MGAT4C: variants seen among roughly 807,000 people sequenced by gnomAD.
The protein encoded by MGAT4C is alpha-1,3-mannosyl-glycoprotein 4-beta-N-acetylglucosaminyltransferase C.
Under a neutral mutation model 40.1 loss-of-function variants are expected in MGAT4C, and 19 were observed. That is an observed-to-expected ratio of 0.47 (90% CI 0.33 to 0.70). The LOEUF (loss-of-function observed/expected upper bound fraction) is 0.70, where lower values mean the gene tolerates loss of function less well. MGAT4C is among the 30% of genes least tolerant of loss of function. The pLI is 0.02. For synonymous variants in MGAT4C, 181 were observed against 187.1 expected, an observed-to-expected ratio of 0.97 and a Z score of 0.27; for missense variants, 491 against 563.2, an observed-to-expected ratio of 0.87 and a Z score of 1.30.
intron 1 of MGAT4C, among the ~76,000 whole-genome samples, chr12:86,209,848 A>G (rs1487474377): frequency 6.6e-6 from 1 of 152,196 alleles, no homozygotes; most frequent in African/African-American, 2.4e-5. Context: ...AAGAAGATAG[A>G]AAGAGTTTTA....
intron 1 of MGAT4C, among the ~76,000 whole-genome samples, chr12:86,203,957 CA>C (rs779258682): frequency 0.087 from 5,682 of 65,582 alleles, 97 homozygotes; most frequent in Middle Eastern, 0.17. Flanking sequence ...AACTTCGTCT[CA>C]AAAAAAAAAA....
At chr12:86,509,900 T>C in intron 2 of MGAT4C, among the ~76,000 whole-genome samples, 1 of 152,164 alleles carries the variant, frequency 6.6e-6, no homozygotes, top group Non-Finnish European at 1.5e-5. Context: ...GTGATTTTTG[T>C]ACATTGATTT....
intron 3 of MGAT4C, among the ~76,000 whole-genome samples, chr12:86,335,369 T>C (rs191348663): frequency 4.6e-5 from 7 of 152,116 alleles, no homozygotes; most frequent in Non-Finnish European, 1.0e-4. Flanking sequence ...CAGAGATACA[T>C]CCCTTTGAAA....
intron 1 of MGAT4C, among the ~76,000 whole-genome samples, chr12:86,138,882 G>T (rs1882427724): frequency 6.6e-6 from 1 of 151,910 alleles, no homozygotes; most frequent in Non-Finnish European, 1.5e-5. Context: ...CAGACAGCCT[G>T]CCTTGTATCA....
intron 1 of MGAT4C, among the ~76,000 whole-genome samples, chr12:86,154,682 C>CAAAA (rs753767715): frequency 6.6e-6 from 1 of 151,612 alleles, no homozygotes; most frequent in Non-Finnish European, 1.5e-5. Flanking sequence ...ACATCTAGAT[C>CAAAA]AAAAAAAAGA....
At chr12:86,151,548 C>A (rs1489355820) in intron 1 of MGAT4C, among the ~76,000 whole-genome samples, 1 of 151,860 alleles carries the variant, frequency 6.6e-6, no homozygotes, top group Non-Finnish European at 1.5e-5. Flanking sequence ...GGAGGCGGAG[C>A]TTGCACCATT....
chr12:85,992,745 C>T (rs566626696), intron 2 of MGAT4C, among the ~76,000 whole-genome samples: 1 of 152,214 alleles, frequency 6.6e-6, no homozygotes, highest in Non-Finnish European at 1.5e-5. Flanking sequence ...GAAACATGGC[C>T]TCAGGAAGAA....
At chr12:86,481,464 G>A (rs1355599698) in intron 2 of MGAT4C, among the ~76,000 whole-genome samples, 1 of 152,024 alleles carries the variant, frequency 6.6e-6, no homozygotes, top group Non-Finnish European at 1.5e-5. Flanking sequence ...ACCCTCTGAT[G>A]TAGCATTTCC....
chr12:86,576,963 A>AT (rs1277862140), intron 2 of MGAT4C, among the ~76,000 whole-genome samples: 1 of 151,484 alleles, frequency 6.6e-6, no homozygotes, highest in Non-Finnish European at 1.5e-5. Context: ...CAAATGGAAT[A>AT]TTTTTCTATT....
In MGAT4C at chr12:86,472,303, A is replaced by G. The variant is rs188330156; in HGVS notation, c.-228-37038T>C. 3.3e-5 allele frequency among the ~76,000 whole-genome samples: 5 copies of G among 152,308 alleles called. No individual in the cohort carries two copies. The East Asian group carries it at 7.7e-4, about 24-fold the overall frequency. On this transcript the variant is annotated intron_variant, in intron 2 of 7. Coordinates refer to the MGAT4C transcript ENST00000548651. ...GATTATAAGGCCTATGAAAAGACTT[A>G]ACTTTGTTTATGTAGAATTTTCATT...
chr12:86,163,281 T>C (rs922492391), intron 1 of MGAT4C, among the ~76,000 whole-genome samples: 2 of 151,550 alleles, frequency 1.3e-5, no homozygotes, highest in African/African-American at 4.8e-5. Context: ...TACTGCAGGC[T>C]CCAATTCCTG....
At chr12:86,603,136 G>A (rs919261408) in intron 2 of MGAT4C, among the ~76,000 whole-genome samples, 9 of 149,842 alleles carry the variant, frequency 6.0e-5, no homozygotes, top group East Asian at 3.9e-4. Context: ...TAGCAAAAGC[G>A]TACAAAGTTT....
intron 2 of MGAT4C, among the ~76,000 whole-genome samples, chr12:86,672,880 T>C (rs1964295773): frequency 6.6e-6 from 1 of 152,082 alleles, no homozygotes; most frequent in South Asian, 2.1e-4. Flanking sequence ...CAAACCTATA[T>C]ATGTACCCTC....
chr12:86,665,918 A>G (rs1011903416), intron 2 of MGAT4C, among the ~76,000 whole-genome samples: 3 of 152,174 alleles, frequency 2.0e-5, no homozygotes, highest in African/African-American at 7.2e-5. Flanking sequence ...AGTTTCAAGA[A>G]GCACAAAAAT....
At chr12:86,050,964 A>G (rs1463643547) in intron 1 of MGAT4C, among the ~76,000 whole-genome samples, 4 of 152,082 alleles carry the variant, frequency 2.6e-5, no homozygotes, top group African/African-American at 7.2e-5. Flanking sequence ...AGCAGAACTT[A>G]AAGAGACCCA....
chr12:86,582,872 C>G (rs190724055), intron 2 of MGAT4C, among the ~76,000 whole-genome samples: 1 of 151,144 alleles, frequency 6.6e-6, no homozygotes, highest in Non-Finnish European at 1.5e-5. Flanking sequence ...CAAACTCCTT[C>G]GGGTTAACCA....
At chr12:86,833,796 C>T (rs966353564) in intron 1 of MGAT4C, among the ~76,000 whole-genome samples, 5 of 151,920 alleles carry the variant, frequency 3.3e-5, no homozygotes, top group South Asian at 4.1e-4. Context: ...AAGTAGTTAG[C>T]AGCCTGTGTT....
chr12:86,341,037 C>A (rs760193215), intron 3 of MGAT4C, among the ~76,000 whole-genome samples: 3 of 152,156 alleles, frequency 2.0e-5, no homozygotes, highest in Non-Finnish European at 4.4e-5. Flanking sequence ...GTGCTTGTGG[C>A]TCTCACGGAG....
At chr12:86,173,936 A>T (rs770831788) in intron 1 of MGAT4C, among the ~76,000 whole-genome samples, 2 of 151,760 alleles carry the variant, frequency 1.3e-5, no homozygotes, top group Non-Finnish European at 2.9e-5. Flanking sequence ...CTGTGATATC[A>T]CTGTGTTGTC....
Sources: gnomAD v4.1 joint callset for allele counts (sites outside exome capture counted in the v4.1 genomes callset) on GRCh38, gnomAD v4.1.1 for gene constraint, MANE v1.5 for transcripts, NCBI Gene and HGNC (gene_info 2026-07-23, HGNC 2026-07-21) for gene names.